The following GPC6 variants were observed in gnomAD, a reference collection of about 807,000 sequenced individuals.
GPC6 encodes the protein glypican-6.
GPC6 carries 14 observed loss-of-function variants against 55.2 expected under a neutral mutation model. The observed-to-expected ratio is 0.25, with a 90% confidence interval of 0.17 to 0.40. GPC6 has a LOEUF of 0.40. Among genes scored for constraint, GPC6 ranks in the 10% least tolerant of loss-of-function variants. The probability of loss-of-function intolerance (pLI) is 1.00; values close to 1 mark genes in which losing one functional copy is unlikely to be tolerated. For missense variants in GPC6, 641 were observed against 708.5 expected (o/e 0.90, Z 1.08); for synonymous variants, 278 against 259.6 (o/e 1.07, Z -0.68).
intron 3 of GPC6, among the ~76,000 whole-genome samples, chr13:94,019,404 G>A (rs1016487694): frequency 3.9e-5 from 6 of 152,124 alleles, no homozygotes; most frequent in Non-Finnish European, 7.3e-5. Context: ...TAGTTCAGGC[G>A]CTTAGAAGTC....
At position 94,001,745 on chromosome 13, in the gene GPC6, A is replaced by G. The variant is rs766882109; in HGVS notation, c.712-25984A>G. On this transcript the variant is annotated intron_variant, in intron 3 of 8. Coordinates refer to ENST00000377047, the MANE Select transcript of GPC6 (RefSeq NM_005708.5). ...TTGGTTTCATTGAAATCTATAATGTATTGAGTCAAAGTAAAAGAACCATCA... is the reference window on the plus strand; with the variant it reads ...TTGGTTTCATTGAAATCTATAATGTGTTGAGTCAAAGTAAAAGAACCATCA... Among the ~76,000 whole-genome samples the G allele has an allele frequency of 1.8e-4, 27 of 152,206 alleles. 1 individual carries two copies. Among genetic ancestry groups the G allele is most frequent in the Non-Finnish European group, 3.8e-4 (26 of 68,032 alleles).
At chr13:93,336,750 A>G (rs564545616) in intron 1 of GPC6, among the ~76,000 whole-genome samples, 7 of 152,230 alleles carry the variant, frequency 4.6e-5, no homozygotes, top group Non-Finnish European at 1.0e-4. Context: ...CCTCATTACA[A>G]TTAATACCGA....
At chr13:94,117,970 G>A (rs1566428321) in intron 4 of GPC6, among the ~76,000 whole-genome samples, 1 of 152,048 alleles carries the variant, frequency 6.6e-6, no homozygotes, top group Non-Finnish European at 1.5e-5. Flanking sequence ...TGTAATGTTT[G>A]AGATATGTTT....
At chr13:93,348,253 T>C (rs1880496392) in intron 1 of GPC6, among the ~76,000 whole-genome samples, 1 of 152,166 alleles carries the variant, frequency 6.6e-6, no homozygotes, top group Non-Finnish European at 1.5e-5. Flanking sequence ...AAATTGCAAA[T>C]TAATATACAG....
intron 4 of GPC6, among the ~76,000 whole-genome samples, chr13:94,170,978 A>G (rs1450718898): frequency 6.6e-6 from 1 of 152,192 alleles, no homozygotes; most frequent in Non-Finnish European, 1.5e-5. Context: ...TCAGTTTCTT[A>G]AGACGTTGGC....
intron 2 of GPC6, among the ~76,000 whole-genome samples, chr13:93,619,117 C>G (rs184684026): frequency 3.0e-3 from 460 of 152,248 alleles, no homozygotes; most frequent in Middle Eastern, 0.017. Context: ...ACAGAAAAGT[C>G]ATTATGTGGT....
At chr13:93,993,960 T>G (rs1313628348) in intron 3 of GPC6, among the ~76,000 whole-genome samples, 1 of 152,236 alleles carries the variant, frequency 6.6e-6, no homozygotes, top group Non-Finnish European at 1.5e-5. Context: ...GATAAGCCAC[T>G]TTATTTTGTT....
At chr13:93,698,661 A>T (rs1882558895) in intron 2 of GPC6, among the ~76,000 whole-genome samples, 1 of 150,862 alleles carries the variant, frequency 6.6e-6, no homozygotes, top group African/African-American at 2.4e-5. Context: ...TACTCCTTTC[A>T]CTTTAAAAAA....
At chr13:93,544,191 T>C (rs1390152552) in intron 1 of GPC6, among the ~76,000 whole-genome samples, 1 of 151,980 alleles carries the variant, frequency 6.6e-6, no homozygotes, top group Admixed American at 6.6e-5. Context: ...AACGTTAATA[T>C]GTACTTGTAA....
chr13:94,272,555 G>A (rs1230539543), intron 4 of GPC6, among the ~76,000 whole-genome samples: 10 of 135,918 alleles, frequency 7.4e-5, no homozygotes, highest in African/African-American at 2.5e-4. Context: ...TGCAAGCTCC[G>A]CCTCCCAGGT....
intron 1 of GPC6, among the ~76,000 whole-genome samples, chr13:93,452,151 C>G (rs1377636039): frequency 6.6e-6 from 1 of 152,138 alleles, no homozygotes; most frequent in African/African-American, 2.4e-5. Flanking sequence ...GGTTTGCAGT[C>G]ATGCTTCAGC....
chr13:94,393,330 A>G lies in GPC6; in HGVS notation c.1290-5136A>G, dbSNP rs564610725. Among the ~76,000 whole-genome samples the G allele has an allele frequency of 2.0e-5, 3 of 152,288 alleles. No individual in the cohort carries two copies. The South Asian group carries it at 6.2e-4, about 32-fold the overall frequency. On this transcript the variant is annotated intron_variant, in intron 7 of 8. Coordinates refer to ENST00000377047, the MANE Select transcript of GPC6 (RefSeq NM_005708.5). ...TTAAAATTCACACTGAGTGAGATAA[A>G]TGAGGACTATAATTAACCTTGTTTC...
intron 1 of GPC6, among the ~76,000 whole-genome samples, chr13:93,415,175 G>A (rs1876652055): frequency 1.3e-5 from 2 of 152,220 alleles, no homozygotes; most frequent in Middle Eastern, 3.4e-3. Context: ...GTACAGTGGG[G>A]ATTATAATGA....
intron 1 of GPC6, among the ~76,000 whole-genome samples, chr13:93,519,281 T>A (rs1881317800): frequency 6.6e-6 from 1 of 152,066 alleles, no homozygotes; most frequent in Admixed American, 6.6e-5. Flanking sequence ...ATTAGTTTAA[T>A]GAACTTTAAA....
At position 93,779,240 on chromosome 13, in the gene GPC6, AG is replaced by A. The variant is rs558700408; in HGVS notation, c.320-50912del. 3.3e-5 allele frequency among the ~76,000 whole-genome samples: 5 copies of A among 152,252 alleles called. No homozygotes were observed. The South Asian group carries it at 1.0e-3, about 32-fold the overall frequency. ...AACTTAGTATTGCGGCTACCAGTGG[AG>A]GAGCTGAATACACTGGACTGAATTC... On this transcript the variant is annotated intron_variant, in intron 2 of 8. Transcript: ENST00000377047.
At chr13:93,445,056 C>A (rs1264319595) in intron 1 of GPC6, among the ~76,000 whole-genome samples, 2 of 152,044 alleles carry the variant, frequency 1.3e-5, no homozygotes, top group African/African-American at 2.4e-5. Flanking sequence ...GTCACTTGGT[C>A]TTTGTTTATG....
chr13:93,702,188 CT>C (rs914300939), intron 2 of GPC6, among the ~76,000 whole-genome samples: 1 of 152,020 alleles, frequency 6.6e-6, no homozygotes, highest in Non-Finnish European at 1.5e-5. Flanking sequence ...ATTTGATGTT[CT>C]GTTAGCAAGC....
At chr13:94,355,075 G>A (rs576830610) in intron 6 of GPC6, among the ~76,000 whole-genome samples, 32 of 150,890 alleles carry the variant, frequency 2.1e-4, no homozygotes, top group African/African-American at 7.8e-4. Context: ...CCAGGCTGGA[G>A]TCCAGTGGTA....
At chr13:93,932,663 G>T (rs953033363) in intron 3 of GPC6, among the ~76,000 whole-genome samples, 1 of 152,054 alleles carries the variant, frequency 6.6e-6, no homozygotes, top group Non-Finnish European at 1.5e-5. Flanking sequence ...GCAGTAAAAT[G>T]GCCCTAGTTT....
Sources: allele counts gnomAD v4.1 joint callset (sites outside exome capture counted in the v4.1 genomes callset), GRCh38; gene constraint gnomAD v4.1.1; transcripts MANE v1.5; gene names NCBI Gene and HGNC (gene_info 2026-07-23, HGNC 2026-07-21).